MICAL2: variants seen among roughly 807,000 people sequenced by gnomAD.
MICAL2 encodes the protein [F-actin]-monooxygenase MICAL2.
Under a neutral mutation model 127.3 loss-of-function variants are expected in MICAL2, and 77 were observed. The observed-to-expected ratio is 0.60, with a 90% CI of 0.50 to 0.73. MICAL2 has a LOEUF of 0.73. Among genes scored for constraint, MICAL2 ranks in the 30% least tolerant of loss-of-function variants. MICAL2 has a pLI of 0.00. For synonymous variants in MICAL2, 570 were observed against 551.1 expected (o/e 1.03, Z -0.48); for missense variants, 1,351 against 1,434.4 (o/e 0.94, Z 0.94).
intron 30 of MICAL2, among the ~76,000 whole-genome samples, chr11:12,323,664 T>C (rs2134846675): frequency 6.6e-6 from 1 of 152,294 alleles, no homozygotes; most frequent in South Asian, 2.1e-4. Flanking sequence ...ATCCAGAACC[T>C]ACTAGCGACA....
chr11:12,242,755 C>T lies in MICAL2; in HGVS notation c.2641C>T (p.His881Tyr), dbSNP rs1378944917. Residue 881 changes from histidine (H) to tyrosine (Y), a missense_variant, in exon 20 of 28, where the codon CAC becomes TAC. By Grantham distance (83) the His-to-Tyr change is moderately conservative. This residue lies in a region of MICAL2 where 752 missense variants were observed against 719.4 expected (regional missense o/e 1.05). Coordinates refer to ENST00000683283, the MANE Select transcript of MICAL2 (RefSeq NM_001282663.2). Reference sequence around the variant, plus strand: ...GGCTCACCTTGCCTCCATGTTTGGACACGGGGATTTCCCGCAGGTAAACAT... The same window carrying T: ...GGCTCACCTTGCCTCCATGTTTGGATACGGGGATTTCCCGCAGGTAAACAT... ...KAAHLASMFG[H>Y]GDFPQNKLLS... The T allele has an allele frequency of 2.5e-6, 4 of 1,608,652 alleles. No individual in the cohort carries two copies. The South Asian group carries it at 4.4e-5, about 18-fold the overall frequency.
At chr11:12,290,245 GAA>G (rs1191612300), downstream of MICAL2, among the ~76,000 whole-genome samples, 1 of 152,218 alleles carries the variant, frequency 6.6e-6, no homozygotes, top group African/African-American at 2.4e-5. Context: ...CATGTGGAGA[GAA>G]AGAGACCCCC....
chr11:12,341,877 C>A lies in MICAL2; in HGVS notation c.5516-7961C>A, dbSNP rs529182086. On this transcript the variant is annotated intron_variant, in intron 32 of 34. Transcript: ENST00000646065. ...AAGTTATTGACCTTTACATGCCAAT[C>A]ATCGTAGGGTAAGTAGGGACTAAGA... Among the ~76,000 whole-genome samples the A allele has an allele frequency of 4.6e-5, 7 of 152,182 alleles. No homozygotes were observed. In the South Asian group the frequency reaches 1.5e-3, roughly 32 times the overall value.
At chr11:12,282,988 ACAGTC>A (rs774501468) in intron 2 of MICAL2, among the ~76,000 whole-genome samples, 1 of 152,214 alleles carries the variant, frequency 6.6e-6, no homozygotes, top group Non-Finnish European at 1.5e-5. Flanking sequence ...TTTGTTTCTG[ACAGTC>A]CAGTTTAACG....
chr11:12,214,880 A>G (rs1430481120), intron 7 of MICAL2, among the ~76,000 whole-genome samples: 1 of 152,092 alleles, frequency 6.6e-6, no homozygotes, highest in Non-Finnish European at 1.5e-5. Context: ...CCTTCCAGTT[A>G]TTTACTGTTA....
chr11:12,258,055 G>A (rs908999581), intron 24 of MICAL2, among the ~76,000 whole-genome samples: 2 of 152,184 alleles, frequency 1.3e-5, no homozygotes, highest in African/African-American at 4.8e-5. Flanking sequence ...GTTTGATTTG[G>A]GGATTTTTTT....
At chr11:12,202,271 A>G (rs1854120727) in intron 3 of MICAL2, among the ~76,000 whole-genome samples, 1 of 152,062 alleles carries the variant, frequency 6.6e-6, no homozygotes, top group Non-Finnish European at 1.5e-5. Flanking sequence ...CTCTGCTGAA[A>G]TGTTCTTTTT....
rs1169514218 is a variant in MICAL2 at position 12,258,553 on chromosome 11, A to G, written c.3228A>G (p.Arg1076=). Residue 1076 remains arginine (R), a synonymous_variant, in exon 25 of 28, where the codon AGA becomes AGG. Transcript: ENST00000683283. ...RKRRAELKQQ[R]EEEATWQEQE... is the part of the protein sequence containing the mutation. ...GACGGGCAGAGTTGAAGCAACAAAG[A>G]GAGGTATGTTTGTCTCAAACATGCT... 1.1e-5 allele frequency: 18 copies of G among 1,613,144 alleles called. No homozygotes were observed. Among genetic ancestry groups the G allele is most frequent in the Middle Eastern group, 1.6e-4 (1 of 6,084 alleles).
chr11:12,167,839 T>C (rs1397017586), intron 3 of MICAL2, among the ~76,000 whole-genome samples: 1 of 152,038 alleles, frequency 6.6e-6, no homozygotes, highest in Non-Finnish European at 1.5e-5. Flanking sequence ...TTTGCATGAG[T>C]GTGTGTGTTG....
At chr11:12,262,185 C>A in intron 26 of MICAL2, 1 of 1,290,084 alleles carries the variant, frequency 7.8e-7, no homozygotes, top group South Asian at 1.7e-5. Context: ...GCCTCCGCAA[C>A]ATATTCAAGA....
intron 20 of MICAL2, 91 bp from the exon 21 acceptor site, chr11:12,243,896 T>A: frequency 6.7e-7 from 1 of 1,484,946 alleles, no homozygotes; most frequent in South Asian, 1.2e-5. Context: ...CCTTCTTGAG[T>A]GCACAGGCAT....
At chr11:12,283,888 G>T (rs574997777) in intron 2 of MICAL2, among the ~76,000 whole-genome samples, 1 of 152,294 alleles carries the variant, frequency 6.6e-6, no homozygotes, top group Admixed American at 6.5e-5. Flanking sequence ...AAACATCAGG[G>T]TCAGGGATTC....
chr11:12,138,512 G>C (rs1442937201), intron 2 of MICAL2, 52 bp downstream of exon 2: 1 of 152,216 alleles, frequency 6.6e-6, no homozygotes, highest in Non-Finnish European at 1.5e-5. Flanking sequence ...GCTCCTGGGG[G>C]CTGGTCCTAG....
At chr11:12,119,115 C>T (rs975560900) in intron 1 of MICAL2, among the ~76,000 whole-genome samples, 2 of 152,126 alleles carry the variant, frequency 1.3e-5, no homozygotes, top group Non-Finnish European at 2.9e-5. Flanking sequence ...TGCCCTTGAC[C>T]CCTGAACCCT....
At chr11:12,164,337 A>G (rs1398231038) in intron 3 of MICAL2, among the ~76,000 whole-genome samples, 1 of 152,152 alleles carries the variant, frequency 6.6e-6, no homozygotes, top group Non-Finnish European at 1.5e-5. Context: ...ATGTGAGATA[A>G]CCCATCTCGT....
chr11:12,224,377 T>C (rs1429517414), intron 12 of MICAL2: 1 of 348,952 alleles, frequency 2.9e-6, no homozygotes, highest in South Asian at 5.7e-5. Flanking sequence ...TCACCCCCTC[T>C]GTGACTATCT....
intron 29 of MICAL2, among the ~76,000 whole-genome samples, chr11:12,298,292 T>C (rs1220246731): frequency 6.6e-6 from 1 of 152,094 alleles, no homozygotes; most frequent in African/African-American, 2.4e-5. Flanking sequence ...TTTATCATTC[T>C]ACTGTTGTTT....
intron 21 of MICAL2, among the ~76,000 whole-genome samples, chr11:12,248,588 C>T (rs945155831): frequency 6.6e-6 from 1 of 152,246 alleles, no homozygotes; most frequent in Non-Finnish European, 1.5e-5. Flanking sequence ...CCCCTCAGTC[C>T]TCCAGGGTCA....
intron 10 of MICAL2, 67 bp downstream of exon 10, chr11:12,221,826 A>C (rs1590430167): frequency 1.5e-6 from 2 of 1,291,072 alleles, no homozygotes; most frequent in African/African-American, 1.5e-5. Flanking sequence ...GGGCAAGATC[A>C]CCCCGCAGGT....
Sources: allele counts gnomAD v4.1 joint callset (sites outside exome capture counted in the v4.1 genomes callset), GRCh38; gene constraint gnomAD v4.1.1; regional missense constraint gnomAD v4.1.1; transcripts MANE v1.5; gene names NCBI Gene and HGNC (gene_info 2026-07-23, HGNC 2026-07-21).